PAMR1: variants seen among roughly 807,000 people sequenced by gnomAD.
PAMR1 encodes the protein inactive serine protease PAMR1.
A neutral mutation model predicts 81.8 loss-of-function variants in PAMR1; 88 were observed. The observed-to-expected ratio is 1.08, with a 90% CI of 0.91 to 1.28. The LOEUF is 1.28. Ranked by LOEUF, PAMR1 falls within the 50% of genes most tolerant of loss-of-function variation. The probability of loss-of-function intolerance (pLI) is 0.00; values close to 1 mark genes in which losing one functional copy is unlikely to be tolerated. For missense variants in PAMR1, 935 were observed against 919.7 expected (o/e 1.02, Z -0.21); for synonymous variants, 336 against 345.3 (o/e 0.97, Z 0.30).
At chr11:35,464,861 A>G (rs1017073502) in intron 6 of PAMR1, among the ~76,000 whole-genome samples, 1 of 152,210 alleles carries the variant, frequency 6.6e-6, no homozygotes, top group Non-Finnish European at 1.5e-5. Context: ...CCACTCACAG[A>G]CATACACGTA....
At chr11:35,439,762 T>TGAA in intron 7 of PAMR1, 69 bp from the exon 8 acceptor site, 1 of 1,346,284 alleles carries the variant, frequency 7.4e-7, no homozygotes, top group Non-Finnish European at 1.1e-6. Context: ...TCAGTTCAGA[T>TGAA]TCATACCTGA....
intron 3 of PAMR1, among the ~76,000 whole-genome samples, chr11:35,484,137 T>C (rs1850454090): frequency 6.6e-6 from 1 of 152,194 alleles, no homozygotes; most frequent in African/African-American, 2.4e-5. Flanking sequence ...TATTGAGCAC[T>C]TACTATATAC....
At chr11:35,518,062 A>T (rs1280898788) in intron 1 of PAMR1, among the ~76,000 whole-genome samples, 1 of 152,120 alleles carries the variant, frequency 6.6e-6, no homozygotes, top group African/African-American at 2.4e-5. Context: ...AGGGCTTGAG[A>T]TACTTACCCA....
intron 6 of PAMR1, among the ~76,000 whole-genome samples, chr11:35,459,532 T>A (rs369313372): frequency 6.6e-6 from 1 of 152,178 alleles, no homozygotes; most frequent in Non-Finnish European, 1.5e-5. Context: ...GTGGTATTCA[T>A]AGCCAACTTC....
At chr11:35,501,533 A>C (rs540818216) in intron 1 of PAMR1, among the ~76,000 whole-genome samples, 2 of 151,996 alleles carry the variant, frequency 1.3e-5, no homozygotes, top group South Asian at 4.2e-4. Flanking sequence ...TTTTTATACT[A>C]TATGTTTTTT....
intron 6 of PAMR1, among the ~76,000 whole-genome samples, chr11:35,464,873 A>G (rs1455308874): frequency 1.3e-5 from 2 of 152,220 alleles, no homozygotes; most frequent in African/African-American, 4.8e-5. Context: ...ATACACGTAC[A>G]TTAGGAAAAT....
chr11:35,505,789 G>C lies in PAMR1; in HGVS notation c.74-11517C>G, dbSNP rs1590386731. Among the ~76,000 whole-genome samples, 4 of 152,132 alleles carry C rather than the reference G, an allele frequency of 2.6e-5. No homozygotes were observed. In the South Asian group the frequency reaches 6.2e-4, roughly 24 times the overall value. ...TGTAGGCAGCATATAATTGAGTCTT[G>C]TTTCTTATCCATTCAGTCATTCTAT... On this transcript the variant is annotated intron_variant, in intron 1 of 10. Transcript: ENST00000619888.
intron 1 of PAMR1, among the ~76,000 whole-genome samples, chr11:35,497,701 C>G (rs150626040): frequency 4.9e-4 from 75 of 152,276 alleles, no homozygotes; most frequent in African/African-American, 1.7e-3. Context: ...AACCCTAAGA[C>G]CATGTTGACC....
Position 35,492,061 on chromosome 11 carries a change from G to T in PAMR1, c.363C>A (p.Tyr121Ter), listed in dbSNP as rs748163488. Residue 121 changes from tyrosine to a stop codon, truncating the protein, a stop_gained, in exon 3 of 11, where the codon TAC becomes TAA. Coordinates refer to ENST00000619888, the MANE Select transcript of PAMR1 (RefSeq NM_001001991.3). LOFTEE classifies it high-confidence loss of function. ...FYCAECRAGW[Y>*]GGDCMRCGQV... ...TCTACTTACGCATGCAGTCTCCTCC[G>T]TACCAGCCTGCTCGGCACTCTGCAC... The T allele has an allele frequency of 6.2e-7, 1 of 1,613,598 alleles. No homozygotes were observed. The highest frequency in any genetic ancestry group is 1.3e-5 in the African/African-American group (1 of 75,022).
At chr11:35,478,950 G>A (rs768579388) in intron 3 of PAMR1, among the ~76,000 whole-genome samples, 1 of 152,052 alleles carries the variant, frequency 6.6e-6, no homozygotes, top group Non-Finnish European at 1.5e-5. Context: ...CCATGGCTAC[G>A]TGCCCAAACA....
At chr11:35,461,483 T>C (rs545737445) in intron 6 of PAMR1, among the ~76,000 whole-genome samples, 1 of 152,130 alleles carries the variant, frequency 6.6e-6, no homozygotes, top group Admixed American at 6.5e-5. Context: ...GCATGAGACA[T>C]AGCAATGTTT....
In PAMR1 at chr11:35,459,982, C is replaced by T. The variant is rs376304782; in HGVS notation, c.820+8019G>A. Among the ~76,000 whole-genome samples the T allele has an allele frequency of 1.1e-4, 17 of 152,160 alleles. 1 individual carries two copies. Among genetic ancestry groups the T allele is most frequent in the Admixed American group, 6.5e-4 (10 of 15,280 alleles). Reference sequence around the variant, plus strand: ...AACATTGAGACAAATAAATGGGTCACGTCACATAAAGCCCAGAGCCTGGCC... The same window carrying T: ...AACATTGAGACAAATAAATGGGTCATGTCACATAAAGCCCAGAGCCTGGCC... On this transcript the variant is annotated intron_variant, in intron 6 of 10. Coordinates refer to ENST00000619888, the MANE Select transcript of PAMR1 (RefSeq NM_001001991.3).
chr11:35,483,233 C>A (rs1208389524), intron 3 of PAMR1, among the ~76,000 whole-genome samples: 2 of 152,120 alleles, frequency 1.3e-5, no homozygotes, highest in Non-Finnish European at 1.5e-5. Flanking sequence ...ACCCCATAAA[C>A]CTAAGGAAAT....
At chr11:35,506,490 G>A (rs1850959217) in intron 1 of PAMR1, among the ~76,000 whole-genome samples, 2 of 150,778 alleles carry the variant, frequency 1.3e-5, no homozygotes, top group South Asian at 4.2e-4. Flanking sequence ...GATGGGTCTG[G>A]TGGTGGTAAT....
Position 35,487,228 on chromosome 11 carries a change from A to C in PAMR1, c.379+4817T>G, listed in dbSNP as rs191826144. On this transcript the variant is annotated intron_variant, in intron 3 of 10. Coordinates refer to ENST00000619888, the MANE Select transcript of PAMR1 (RefSeq NM_001001991.3). ...GTTAGTTACCCAGAAAAAAAAAAAA[A>C]AAACTGAACACTTTATCACCACCAT... 2.9e-3 allele frequency among the ~76,000 whole-genome samples: 438 copies of C among 152,176 alleles called. 1 individual carries two copies. The highest frequency in any genetic ancestry group is 6.5e-3 in the South Asian group (31 of 4,802).
chr11:35,461,610 TA>T (rs397849497), intron 6 of PAMR1, among the ~76,000 whole-genome samples: 24 of 146,940 alleles, frequency 1.6e-4, no homozygotes, highest in East Asian at 2.0e-4. Flanking sequence ...TCCCCAAAAT[TA>T]AAAAAAAAAA....
chr11:35,442,162 C>A (rs1294897346), intron 6 of PAMR1, among the ~76,000 whole-genome samples: 1 of 152,138 alleles, frequency 6.6e-6, no homozygotes, highest in Non-Finnish European at 1.5e-5. Context: ...AATAAGAGTA[C>A]ATACATAAAG....
Position 35,434,638 on chromosome 11 carries a change from C to T in PAMR1, c.1500G>A (p.Val500=). The T allele has an allele frequency of 6.2e-7, 1 of 1,614,140 alleles. No individual in the cohort carries two copies. Residue 500 remains valine (V), a synonymous_variant, in exon 10 of 11, where the codon GTG becomes GTA. Coordinates refer to ENST00000619888, the MANE Select transcript of PAMR1 (RefSeq NM_001001991.3). ...SGALVNERTV[V]VAAHCVTDLG... The stretch of plus-strand genomic sequence containing the variant: ...GGTCAGTAACACAGTGGGCAGCCAC[C>T]ACCACAGTGCGCTCATTCACCAGGG...
chr11:35,474,510 G>A (rs1850249526), intron 4 of PAMR1, 120 bp downstream of exon 4: 1 of 581,378 alleles, frequency 1.7e-6, no homozygotes, highest in Non-Finnish European at 3.0e-6. Context: ...GAATCAGAGT[G>A]GTAAAGAGAA....
Sources: gnomAD v4.1 joint callset for allele counts (sites outside exome capture counted in the v4.1 genomes callset) on GRCh38, gnomAD v4.1.1 for gene constraint, MANE v1.5 for transcripts, NCBI Gene and HGNC (gene_info 2026-07-23, HGNC 2026-07-21) for gene names.